The following CCSER1 variants were observed in gnomAD, a reference collection of about 807,000 sequenced individuals.
The protein encoded by CCSER1 is coiled-coil serine rich protein 1.
CCSER1 carries 41 observed loss-of-function variants against 82.0 expected under a neutral mutation model. That is an observed-to-expected ratio of 0.50 (90% CI 0.39 to 0.65). The LOEUF is 0.65. Among genes scored for constraint, CCSER1 ranks in the 30% least tolerant of loss-of-function variants. CCSER1 has a pLI of 0.00. For synonymous variants in CCSER1, 414 were observed against 383.9 expected (o/e 1.08, Z -0.92); for missense variants, 1,119 against 1,064.2 (o/e 1.05, Z -0.72).
At chr4:91,000,666 CTTTAT>C (rs1473335667) in intron 9 of CCSER1, among the ~76,000 whole-genome samples, 1 of 151,766 alleles carries the variant, frequency 6.6e-6, no homozygotes, top group African/African-American at 2.4e-5. Context: ...TTCCTAGACA[CTTTAT>C]TTTATTTTTT....
chr4:90,959,496 T>G (rs1733844082), intron 9 of CCSER1, among the ~76,000 whole-genome samples: 1 of 152,134 alleles, frequency 6.6e-6, no homozygotes, highest in Non-Finnish European at 1.5e-5. Context: ...ACACCTGAGT[T>G]TTCTTTGTTC....
intron 8 of CCSER1, among the ~76,000 whole-genome samples, chr4:90,859,925 G>A (rs1340671500): frequency 6.7e-6 from 1 of 149,914 alleles, no homozygotes; most frequent in Admixed American, 6.6e-5. Context: ...TGAGACAGTT[G>A]TATTTAAAAA....
intron 3 of CCSER1, among the ~76,000 whole-genome samples, chr4:90,332,615 G>A (rs1364259612): frequency 6.6e-6 from 1 of 152,096 alleles, no homozygotes. Flanking sequence ...CCTTTAGATA[G>A]ATTTACAAAT....
At chr4:91,544,976 G>A (rs541172294) in intron 10 of CCSER1, among the ~76,000 whole-genome samples, 272 of 152,168 alleles carry the variant, frequency 1.8e-3, no homozygotes, top group Middle Eastern at 3.4e-3. Flanking sequence ...CTTCCTAGCC[G>A]CTTTCTTTAC....
chr4:90,280,173 T>G (rs1197485633), intron 1 of CCSER1, among the ~76,000 whole-genome samples: 3 of 151,990 alleles, frequency 2.0e-5, no homozygotes, highest in Non-Finnish European at 4.4e-5. Flanking sequence ...GATTAAAGTC[T>G]TTTCCATATC....
chr4:90,776,026 T>A (rs927058626), intron 7 of CCSER1, among the ~76,000 whole-genome samples: 1 of 152,132 alleles, frequency 6.6e-6, no homozygotes, highest in African/African-American at 2.4e-5. Context: ...CAGCATGCAA[T>A]GCATCTGTCT....
chr4:91,135,382 A>G (rs948899849), intron 10 of CCSER1, among the ~76,000 whole-genome samples: 6 of 152,226 alleles, frequency 3.9e-5, no homozygotes, highest in Non-Finnish European at 7.3e-5. Flanking sequence ...ATGACCAAAA[A>G]AGTGGATCCT....
intron 5 of CCSER1, among the ~76,000 whole-genome samples, chr4:90,590,055 C>A (rs1480087113): frequency 1.3e-5 from 2 of 152,088 alleles, no homozygotes; most frequent in Non-Finnish European, 2.9e-5. Flanking sequence ...TGGTGGATCA[C>A]CTTAGGTCAG....
Position 90,466,734 on chromosome 4 carries a change from C to G in CCSER1, c.1604-1500C>G, listed in dbSNP as rs146360969. Among the ~76,000 whole-genome samples, 447 of 152,276 alleles carry G rather than the reference C, an allele frequency of 2.9e-3. 4 individuals are homozygous for G. The highest frequency in any genetic ancestry group is 4.3e-3 in the Non-Finnish European group (295 of 68,026). ...AAGTGTTGGTGTGGATGTGAAACAACTGAAACTCTTTCTCTATTGTTGGTA... is the reference window on the plus strand; with the variant it reads ...AAGTGTTGGTGTGGATGTGAAACAAGTGAAACTCTTTCTCTATTGTTGGTA... On this transcript the variant is annotated intron_variant, in intron 4 of 10. Coordinates refer to ENST00000509176, the MANE Select transcript of CCSER1 (RefSeq NM_001145065.2).
rs573889440 is a variant in CCSER1 at position 90,960,176 on chromosome 4, A to AT, written c.2172+36737dup. Among the ~76,000 whole-genome samples, 381 of 151,674 alleles carry AT rather than the reference A, an allele frequency of 2.5e-3. 1 individual carries two copies. The highest frequency in any genetic ancestry group is 8.8e-3 in the African/African-American group (360 of 41,030). ...TTCACATTGTTTTCATTAATCATTCATTTTTTTTAAAAAAAGGATTTTACG... is the reference window on the plus strand; with the variant it reads ...TTCACATTGTTTTCATTAATCATTCATTTTTTTTTAAAAAAAGGATTTTACG... On this transcript the variant is annotated intron_variant, in intron 9 of 10. Coordinates refer to ENST00000509176, the MANE Select transcript of CCSER1 (RefSeq NM_001145065.2).
intron 3 of CCSER1, among the ~76,000 whole-genome samples, chr4:90,371,274 A>T (rs10004311): frequency 0.37 from 55,651 of 151,896 alleles, 10,710 homozygotes; most frequent in African/African-American, 0.48. Context: ...TCTTTTTTTT[A>T]AAATAACAAA....
At chr4:90,895,020 T>C (rs1580972214) in intron 8 of CCSER1, among the ~76,000 whole-genome samples, 1 of 152,120 alleles carries the variant, frequency 6.6e-6, no homozygotes, top group South Asian at 2.1e-4. Flanking sequence ...TCTTAATGTA[T>C]ACTTTGTCCC....
At chr4:91,159,562 C>T (rs1731164551) in intron 10 of CCSER1, among the ~76,000 whole-genome samples, 1 of 151,832 alleles carries the variant, frequency 6.6e-6, no homozygotes. Context: ...AGTTGAGAAG[C>T]ATTTTTGTCC....
Position 90,256,671 on chromosome 4 carries a change from T to C in CCSER1, c.-41-51573T>C, listed in dbSNP as rs375216277. On this transcript the variant is annotated intron_variant, in intron 1 of 10. Coordinates refer to ENST00000509176, the MANE Select transcript of CCSER1 (RefSeq NM_001145065.2). ...CATTATAAGATATAAGTTTGCATAGTTCACCTTGAGATTGCTATGGCAGGT... is the reference window on the plus strand; with the variant it reads ...CATTATAAGATATAAGTTTGCATAGCTCACCTTGAGATTGCTATGGCAGGT... Among the ~76,000 whole-genome samples, 38 of 152,224 alleles carry C rather than the reference T, an allele frequency of 2.5e-4. 1 individual carries two copies. The highest frequency in any genetic ancestry group is 8.7e-4 in the African/African-American group (36 of 41,560).
chr4:90,299,264 A>G (rs966772249), intron 1 of CCSER1, among the ~76,000 whole-genome samples: 4 of 152,040 alleles, frequency 2.6e-5, no homozygotes, highest in African/African-American at 9.7e-5. Flanking sequence ...GATTTATACA[A>G]ATCTAATCAG....
chr4:91,257,707 G>T (rs1016267028), intron 10 of CCSER1, among the ~76,000 whole-genome samples: 5 of 152,044 alleles, frequency 3.3e-5, no homozygotes, highest in Admixed American at 6.5e-5. Context: ...CTTAAATTTA[G>T]TTATTTGTGA....
chr4:91,131,346 T>G (rs1010242206), intron 10 of CCSER1, among the ~76,000 whole-genome samples: 20 of 136,532 alleles, frequency 1.5e-4, no homozygotes, highest in Non-Finnish European at 3.2e-4. Context: ...TTTTTTTTTT[T>G]GATTCTATGA....
intron 10 of CCSER1, among the ~76,000 whole-genome samples, chr4:91,313,944 G>A (rs1030410212): frequency 5.3e-5 from 8 of 151,928 alleles, no homozygotes; most frequent in Admixed American, 1.3e-4. Flanking sequence ...AGTAACAGAT[G>A]ATTGATATAT....
intron 6 of CCSER1, among the ~76,000 whole-genome samples, chr4:90,659,354 G>T (rs901221156): frequency 9.2e-5 from 14 of 152,110 alleles, no homozygotes; most frequent in Non-Finnish European, 1.9e-4. Context: ...CTAGCACCTA[G>T]CAGTTTGGTA....
Sources: gnomAD v4.1 joint callset for allele counts (sites outside exome capture counted in the v4.1 genomes callset) on GRCh38, gnomAD v4.1.1 for gene constraint, MANE v1.5 for transcripts, NCBI Gene and HGNC (gene_info 2026-07-23, HGNC 2026-07-21) for gene names.